HSBP1L1: variants seen among roughly 807,000 people sequenced by gnomAD.
HSBP1L1 encodes the protein heat shock factor binding protein 1 like 1.
Under a neutral mutation model 9.7 loss-of-function variants are expected in HSBP1L1, and 8 were observed. The ratio of observed to expected loss-of-function variants is 0.82; its 90% CI spans 0.48 to 1.48. HSBP1L1 has a LOEUF of 1.48. HSBP1L1 is among the 40% of genes most tolerant of loss of function. The probability of loss-of-function intolerance (pLI) is 0.00; values close to 1 mark genes in which losing one functional copy is unlikely to be tolerated. For synonymous variants in HSBP1L1, 39 were observed against 34.4 expected (o/e 1.13, Z -0.46); for missense variants, 106 against 95.8 (o/e 1.11, Z -0.44).
In HSBP1L1 at chr18:79,964,762, C is replaced by T; in HGVS notation, c.27C>T (p.Pro9=). 1 of 1,410,882 alleles carries T rather than the reference C, an allele frequency of 7.1e-7. No homozygotes were observed. The highest frequency in any genetic ancestry group is 9.2e-7 in the Non-Finnish European group (1 of 1,083,774). The allele number at this position is 1,410,882 out of a possible 1,614,324, so 87.4% of individuals were successfully genotyped here. MDVRGPEA[P]GGRALRDAAE... Reference sequence around the variant, plus strand: ...TGGACGTGCGGGGCCCTGAAGCCCCCGGCGGGCGCGCGCTGCGGGACGCGG... The same window carrying T: ...TGGACGTGCGGGGCCCTGAAGCCCCTGGCGGGCGCGCGCTGCGGGACGCGG... The change falls in exon 1 of 4, where the codon CCC becomes CCT. Residue 9 remains proline (P), a synonymous_variant. Coordinates refer to ENST00000451882, the MANE Select transcript of HSBP1L1 (RefSeq NM_001136180.2).
rs1555716384 is a variant in HSBP1L1 at position 79,969,400 on chromosome 18, A to AC, written c.214-1039dup. ...GAAAGAAAGAAAGAAAGAAAAAAAA[A>AC]CGATGCAGAATAGCGCCCACGTTGA... On this transcript the variant is annotated intron_variant, in intron 3 of 3. Coordinates refer to ENST00000451882, the MANE Select transcript of HSBP1L1 (RefSeq NM_001136180.2). 1.8e-3 allele frequency among the ~76,000 whole-genome samples: 259 copies of AC among 147,846 alleles called. 10 individuals carry two copies. Among genetic ancestry groups the AC allele is most frequent in the African/African-American group, 6.6e-3 (252 of 38,264 alleles).
intron 2 of HSBP1L1, 149 bp downstream of exon 2, chr18:79,966,827 G>A (rs2051259605): frequency 6.3e-6 from 4 of 634,876 alleles, no homozygotes; most frequent in Non-Finnish European, 1.1e-5. Context: ...GCTTCCTGAT[G>A]TGTTAATTAC....
At chr18:79,964,825 GGC>G in intron 1 of HSBP1L1, 39 bp downstream of exon 1, 3 of 944,224 alleles carry the variant, frequency 3.2e-6, no homozygotes, top group Non-Finnish European at 4.0e-6. Context: ...TCTGGATGGG[GGC>G]GCCCCTGCGG....
At chr18:79,967,301 C>G (rs924873265) in intron 2 of HSBP1L1, among the ~76,000 whole-genome samples, 16 of 152,044 alleles carry the variant, frequency 1.1e-4, no homozygotes, top group Non-Finnish European at 2.1e-4. Flanking sequence ...GACCATAGAC[C>G]CCACAGAGCA....
intron 3 of HSBP1L1, 99 bp downstream of exon 3, chr18:79,968,282 G>A: frequency 1.4e-6 from 1 of 706,240 alleles, no homozygotes; most frequent in Non-Finnish European, 2.4e-6. Flanking sequence ...GGGAATTGCT[G>A]CCTCTGTGCT....
chr18:79,969,584 G>T (rs377579772), intron 3 of HSBP1L1, among the ~76,000 whole-genome samples: 8 of 152,138 alleles, frequency 5.3e-5, no homozygotes, highest in Non-Finnish European at 1.0e-4. Context: ...TCTGCTGGTG[G>T]ACTGAAGTCC....
At chr18:79,965,003 A>G (rs1490295373) in intron 1 of HSBP1L1, among the ~76,000 whole-genome samples, 1 of 96,980 alleles carries the variant, frequency 1.0e-5, no homozygotes, top group African/African-American at 4.1e-5. Flanking sequence ...GGGCCCCTGA[A>G]GACCTGGGGG....
intron 2 of HSBP1L1, among the ~76,000 whole-genome samples, chr18:79,967,147 C>CAAAAAAAAAAAAAAA (rs5826682): frequency 4.8e-5 from 5 of 105,196 alleles, no homozygotes; most frequent in African/African-American, 1.8e-4. Flanking sequence ...GACTCCGTCT[C>CAAAAAAAAAAAAAAA]AAAAAAAAAA....
intron 2 of HSBP1L1, among the ~76,000 whole-genome samples, chr18:79,967,134 C>T (rs1450781876): frequency 2.4e-5 from 3 of 126,684 alleles, no homozygotes; most frequent in African/African-American, 9.0e-5. Flanking sequence ...GGTGACAGAG[C>T]GAGACTCCGT....
chr18:79,970,392 T>C (rs2051289183), intron 3 of HSBP1L1, 48 bp from the exon 4 acceptor site: 1 of 718,422 alleles, frequency 1.4e-6, no homozygotes, highest in Admixed American at 2.0e-5. Flanking sequence ...ACATACTTAA[T>C]ACACCTGATA....
chr18:79,967,228 A>G (rs2051262376), intron 2 of HSBP1L1, among the ~76,000 whole-genome samples: 1 of 151,822 alleles, frequency 6.6e-6, no homozygotes, highest in South Asian at 2.1e-4. Flanking sequence ...AAGGACAAAA[A>G]CACAAACATA....
In HSBP1L1 at chr18:79,968,514, C is replaced by T. The variant is rs552563050; in HGVS notation, c.213+331C>T. 1.7e-3 allele frequency among the ~76,000 whole-genome samples: 253 copies of T among 152,246 alleles called. 2 individuals are homozygous for T. Among genetic ancestry groups the T allele is most frequent in the African/African-American group, 5.6e-3 (232 of 41,546 alleles). ...GCTAATTTTTGTATTTTAGTACAGA[C>T]GGGGTTTCACTATGTTGGCCAGGCT... On this transcript the variant is annotated intron_variant, in intron 3 of 3. Coordinates refer to ENST00000451882, the MANE Select transcript of HSBP1L1 (RefSeq NM_001136180.2).
chr18:79,969,199 GGAAAGAAAGAAAGAAA>G (rs199951699), intron 3 of HSBP1L1, among the ~76,000 whole-genome samples: 2 of 82,012 alleles, frequency 2.4e-5, no homozygotes, highest in African/African-American at 9.3e-5. Flanking sequence ...AGAAAAGAAA[GGAAAGAAAGAAAGAAA>G]GAAAGAAAGA....
chr18:79,966,960 A>G (rs2051260495), intron 2 of HSBP1L1: 1 of 263,306 alleles, frequency 3.8e-6, no homozygotes, highest in Non-Finnish European at 7.4e-6. Context: ...CATCCTGGCT[A>G]ACACAGTGAA....
intron 2 of HSBP1L1, chr18:79,967,842 C>G (rs1430421472): frequency 2.4e-6 from 1 of 410,684 alleles, no homozygotes; most frequent in Non-Finnish European, 4.3e-6. Flanking sequence ...ACCAGACAAT[C>G]TCCTGTCCCC....
chr18:79,967,147 C>CAAAAAAAAAAAA (rs5826682), intron 2 of HSBP1L1, among the ~76,000 whole-genome samples: 6 of 105,196 alleles, frequency 5.7e-5, no homozygotes, highest in African/African-American at 2.2e-4. Flanking sequence ...GACTCCGTCT[C>CAAAAAAAAAAAA]AAAAAAAAAA....
intron 3 of HSBP1L1, among the ~76,000 whole-genome samples, chr18:79,969,220 GAA>G (rs1398954412): frequency 9.8e-5 from 5 of 50,774 alleles, no homozygotes; most frequent in Admixed American, 2.5e-4. Flanking sequence ...AAGAAAGAAA[GAA>G]AGAGGAGAGA....
intron 1 of HSBP1L1, among the ~76,000 whole-genome samples, chr18:79,965,239 C>A (rs1301798180): frequency 6.6e-6 from 1 of 152,214 alleles, no homozygotes; most frequent in African/African-American, 2.4e-5. Context: ...CCTCCCGCTC[C>A]CCAGGCCTTC....
chr18:79,968,254 C>A (rs2051267680), intron 3 of HSBP1L1, 71 bp downstream of exon 3: 2 of 902,894 alleles, frequency 2.2e-6, no homozygotes, highest in East Asian at 2.7e-5. Context: ...AACATACAAT[C>A]CCATATTTGT....
Sources: allele counts gnomAD v4.1 joint callset (sites outside exome capture counted in the v4.1 genomes callset), GRCh38; gene constraint gnomAD v4.1.1; transcripts MANE v1.5; gene names NCBI Gene and HGNC (gene_info 2026-07-23, HGNC 2026-07-21).